UBR2: variants seen among roughly 807,000 people sequenced by gnomAD.
UBR2 encodes ubiquitin protein ligase E3 component n-recognin 2.
Under a neutral mutation model 247.9 loss-of-function variants are expected in UBR2, and 92 were observed. That is an observed-to-expected ratio of 0.37 (90% CI 0.31 to 0.44). The LOEUF is 0.44. Ranked by LOEUF, UBR2 falls within the 20% of genes least tolerant of loss-of-function variation. The pLI is 1.00. For missense variants in UBR2, 1,613 were observed against 2,112.6 expected (o/e 0.76, Z 4.64); for synonymous variants, 672 against 693.5 (o/e 0.97, Z 0.49).
At position 42,636,509 on chromosome 6, in the gene UBR2, T is replaced by C. The variant is rs375503813; in HGVS notation, c.1675-502T>C. ...TTTATTTGAATTGAAGTGGGAAGCC[T>C]TTAGAGATTACCATCTCTCTATTAA... is the stretch of plus-strand genomic sequence containing the variant. On this transcript the variant is annotated intron_variant, in intron 14 of 46. Transcript: ENST00000372901. Among the ~76,000 whole-genome samples the C allele has an allele frequency of 1.1e-4, 17 of 152,072 alleles. 1 individual carries two copies. The highest frequency in any genetic ancestry group is 3.9e-4 in the African/African-American group (16 of 41,432).
chr6:42,676,745 T>A, intron 39 of UBR2, 38 bp from the exon 40 acceptor site: 4 of 1,506,376 alleles, frequency 2.7e-6, no homozygotes, highest in Non-Finnish European at 3.7e-6. Flanking sequence ...AACACTTAAT[T>A]GGAAAATACA....
At chr6:42,631,860 T>TATATA (rs1795733597) in intron 11 of UBR2, among the ~76,000 whole-genome samples, 4 of 61,504 alleles carry the variant, frequency 6.5e-5, no homozygotes, top group African/African-American at 1.5e-4. Flanking sequence ...TACTCTGATT[T>TATATA]TATATATATA....
chr6:42,608,658 C>T (rs1419831708), intron 7 of UBR2, among the ~76,000 whole-genome samples: 1 of 152,018 alleles, frequency 6.6e-6, no homozygotes, highest in East Asian at 1.9e-4. Context: ...ACAAAAAAAA[C>T]TTGCCAATCT....
At position 42,614,447 on chromosome 6, in the gene UBR2, T is replaced by TACGTATATATGTATGTATGTAC. The variant is rs1480530225; in HGVS notation, c.986-623_986-622insCGTATATATGTATGTATGTACA. 8.3e-3 allele frequency among the ~76,000 whole-genome samples: 496 copies of TACGTATATATGTATGTATGTAC among 59,724 alleles called. 17 individuals are homozygous for TACGTATATATGTATGTATGTAC. Among genetic ancestry groups the TACGTATATATGTATGTATGTAC allele is most frequent in the Middle Eastern group, 0.042 (5 of 118 alleles). The allele number at this position is 59,724 out of a possible 152,430, so 39.2% of individuals were successfully genotyped here. ...ACATATATATGTATGTACGTACATA[T>TACGTATATATGTATGTATGTAC]ATATGTATGGAACAAATAAGTGTTA... On this transcript the variant is annotated intron_variant, in intron 8 of 46. Transcript: ENST00000372901.
intron 7 of UBR2, among the ~76,000 whole-genome samples, chr6:42,606,931 A>C (rs1714453743): frequency 6.6e-6 from 1 of 152,070 alleles, no homozygotes; most frequent in Non-Finnish European, 1.5e-5. Flanking sequence ...TAATTAGTAG[A>C]ATTTTGTGTT....
chr6:42,651,876 T>C (rs2151966735), intron 23 of UBR2, 147 bp from the exon 24 acceptor site: 1 of 628,316 alleles, frequency 1.6e-6, no homozygotes, highest in Non-Finnish European at 2.7e-6. Flanking sequence ...CTTTGGGAGG[T>C]TGAGGTGGGC....
chr6:42,600,922 G>A (rs1400270156), intron 4 of UBR2, among the ~76,000 whole-genome samples: 1 of 152,152 alleles, frequency 6.6e-6, no homozygotes, highest in African/African-American at 2.4e-5. Flanking sequence ...CTTGCAAAGT[G>A]CTGGGATTAT....
At chr6:42,564,924 A>G (rs1174394955) in intron 1 of UBR2, among the ~76,000 whole-genome samples, 1 of 151,904 alleles carries the variant, frequency 6.6e-6, no homozygotes, top group Non-Finnish European at 1.5e-5. Context: ...TATCCGTTTC[A>G]GTGCTATCTT....
chr6:42,664,659 A>G (rs1798010629), intron 32 of UBR2, among the ~76,000 whole-genome samples: 1 of 152,266 alleles, frequency 6.6e-6, no homozygotes, highest in South Asian at 2.1e-4. Context: ...ATAAAAGAAT[A>G]TCGTGGTACT....
At chr6:42,631,891 A>ATATATATATATATGTATATATAT (rs752152787) in intron 11 of UBR2, among the ~76,000 whole-genome samples, 1 of 114,094 alleles carries the variant, frequency 8.8e-6, no homozygotes, top group Non-Finnish European at 1.8e-5. Flanking sequence ...TATATATATA[A>ATATATATATATATGTATATATAT]ATACAGGTTC....
chr6:42,647,626 G>A (rs1485217445), intron 21 of UBR2, among the ~76,000 whole-genome samples: 2 of 151,858 alleles, frequency 1.3e-5, no homozygotes, highest in Non-Finnish European at 2.9e-5. Context: ...GATTGTAACT[G>A]TATTTCCCAA....
At chr6:42,672,913 A>G (rs183502983) in intron 36 of UBR2, among the ~76,000 whole-genome samples, 1 of 152,340 alleles carries the variant, frequency 6.6e-6, no homozygotes, top group East Asian at 1.9e-4. Flanking sequence ...TAGGACCTCA[A>G]TATTTATTGA....
chr6:42,678,390 A>C, intron 40 of UBR2, 149 bp from the exon 41 acceptor site: 1 of 762,806 alleles, frequency 1.3e-6, no homozygotes, highest in Non-Finnish European at 2.0e-6. Context: ...CTGGCATCCT[A>C]TAATAACACA....
At chr6:42,595,023 G>T (rs1048227978) in intron 4 of UBR2, among the ~76,000 whole-genome samples, 1 of 152,002 alleles carries the variant, frequency 6.6e-6, no homozygotes. Flanking sequence ...GACAATAATT[G>T]TACATATTTA....
intron 15 of UBR2, among the ~76,000 whole-genome samples, chr6:42,639,499 G>A (rs1323375433): frequency 6.6e-6 from 1 of 152,226 alleles, no homozygotes; most frequent in Non-Finnish European, 1.5e-5. Context: ...TCAGGAGGCT[G>A]AGGCAGGAGA....
At chr6:42,675,543 G>A (rs2151986783) in intron 38 of UBR2, among the ~76,000 whole-genome samples, 1 of 152,282 alleles carries the variant, frequency 6.6e-6, no homozygotes, top group Middle Eastern at 3.4e-3. Flanking sequence ...CCCATCAAGA[G>A]TCCTGTAACT....
At chr6:42,680,631 C>G (rs1427965669) in intron 42 of UBR2, among the ~76,000 whole-genome samples, 2 of 152,130 alleles carry the variant, frequency 1.3e-5, no homozygotes, top group African/African-American at 4.8e-5. Flanking sequence ...AGTCCAATAC[C>G]CTCAACTTTA....
At chr6:42,647,675 ATATCT>A (rs1188603584) in intron 21 of UBR2, among the ~76,000 whole-genome samples, 3 of 152,194 alleles carry the variant, frequency 2.0e-5, no homozygotes, top group Non-Finnish European at 4.4e-5. Context: ...ATTCCTATTA[ATATCT>A]TATCGTGAAT....
chr6:42,620,908 G>A (rs1228698362), intron 11 of UBR2, among the ~76,000 whole-genome samples: 1 of 151,834 alleles, frequency 6.6e-6, no homozygotes, highest in Non-Finnish European at 1.5e-5. Flanking sequence ...GGGTTCAAGC[G>A]ATTCTCCTTC....
Sources: allele counts gnomAD v4.1 joint callset (sites outside exome capture counted in the v4.1 genomes callset), GRCh38; gene constraint gnomAD v4.1.1; transcripts MANE v1.5; gene names NCBI Gene and HGNC (gene_info 2026-07-23, HGNC 2026-07-21).